Variants in PRKCB observed in about 807,000 individuals in gnomAD.
The protein encoded by PRKCB is protein kinase C beta.
Under a neutral mutation model 81.5 loss-of-function variants are expected in PRKCB, and 13 were observed. The ratio of observed to expected loss-of-function variants is 0.16; its 90% CI spans 0.10 to 0.25. The LOEUF is 0.25. Ranked by LOEUF, PRKCB falls within the 10% of genes least tolerant of loss-of-function variation. PRKCB has a pLI of 1.00. For synonymous variants in PRKCB, 335 were observed against 321.4 expected (o/e 1.04, Z -0.45); for missense variants, 509 against 875.7 (o/e 0.58, Z 5.29).
At chr16:24,179,712 G>C (rs1258778132) in intron 12 of PRKCB, among the ~76,000 whole-genome samples, 1 of 152,112 alleles carries the variant, frequency 6.6e-6, no homozygotes, top group East Asian at 1.9e-4. Flanking sequence ...CCTTAGACAG[G>C]TCTTTTCTGA....
chr16:24,166,878 A>G (rs958482560), intron 10 of PRKCB, among the ~76,000 whole-genome samples: 1 of 152,136 alleles, frequency 6.6e-6, no homozygotes, highest in Admixed American at 6.5e-5. Context: ...TTCCCTGCAT[A>G]TGGTTAGCGG....
intron 2 of PRKCB, among the ~76,000 whole-genome samples, chr16:23,854,030 C>T (rs1415801028): frequency 1.4e-5 from 2 of 145,960 alleles, no homozygotes; most frequent in Admixed American, 1.4e-4. Flanking sequence ...CTTTATAAAA[C>T]CATCAGATCT....
At chr16:24,126,978 TA>T (rs1966845503) in intron 9 of PRKCB, among the ~76,000 whole-genome samples, 2 of 147,246 alleles carry the variant, frequency 1.4e-5, no homozygotes, top group African/African-American at 2.5e-5. Context: ...TGTCCTAAAT[TA>T]TATATATATA....
At chr16:23,888,438 T>G (rs979381305) in intron 2 of PRKCB, among the ~76,000 whole-genome samples, 1 of 152,196 alleles carries the variant, frequency 6.6e-6, no homozygotes, top group Non-Finnish European at 1.5e-5. Context: ...AGCAGACTGC[T>G]GGAGGAGAAC....
intron 2 of PRKCB, among the ~76,000 whole-genome samples, chr16:23,980,907 T>A (rs983568003): frequency 2.0e-5 from 3 of 151,986 alleles, no homozygotes; most frequent in African/African-American, 7.3e-5. Context: ...AAGTGCAGTG[T>A]GAAGCAGAGT....
At chr16:24,122,468 T>TTTTTTTTTTC (rs1555498212) in intron 8 of PRKCB, among the ~76,000 whole-genome samples, 1,680 of 138,882 alleles carry the variant, frequency 0.012, 251 homozygotes, top group African/African-American at 0.052. Flanking sequence ...TTTTTTTTTT[T>TTTTTTTTTTC]AGTGAGAGAG....
At chr16:24,143,854 C>T (rs1966945405) in intron 9 of PRKCB, among the ~76,000 whole-genome samples, 1 of 152,182 alleles carries the variant, frequency 6.6e-6, no homozygotes, top group Admixed American at 6.5e-5. Flanking sequence ...GTTAGTCAAG[C>T]TTGCAGACTG....
intron 5 of PRKCB, among the ~76,000 whole-genome samples, chr16:24,071,770 G>A (rs1326212075): frequency 3.3e-5 from 5 of 152,140 alleles, no homozygotes; most frequent in Non-Finnish European, 7.3e-5. Flanking sequence ...GCTAGCTGGA[G>A]TCTGGCCTAC....
chr16:24,070,681 A>G (rs1227695569), intron 5 of PRKCB, among the ~76,000 whole-genome samples: 1 of 152,042 alleles, frequency 6.6e-6, no homozygotes, highest in Non-Finnish European at 1.5e-5. Flanking sequence ...CATATTACAG[A>G]TGAGGAAACT....
intron 2 of PRKCB, among the ~76,000 whole-genome samples, chr16:23,860,675 C>A (rs1327040515): frequency 1.3e-5 from 2 of 151,694 alleles, no homozygotes; most frequent in Non-Finnish European, 2.9e-5. Context: ...CACTTGAGGT[C>A]AGGAATTCCA....
At position 24,181,233 on chromosome 16, in the gene PRKCB, C is replaced by T. The variant is rs146310421; in HGVS notation, c.1533+305C>T. Among the ~76,000 whole-genome samples, 141 of 152,204 alleles carry T rather than the reference C, an allele frequency of 9.3e-4. No homozygotes were observed. In the Middle Eastern group the frequency reaches 0.024, roughly 26 times the overall value. On this transcript the variant is annotated intron_variant, in intron 13 of 16. Transcript: ENST00000643927. ...GTTGTGGCTCACGGCCATGTGATAC[C>T]GCCTAATTATGACATTGAAATGTTT...
chr16:24,205,704 A>AT (rs927215669), intron 16 of PRKCB, among the ~76,000 whole-genome samples: 3 of 152,002 alleles, frequency 2.0e-5, no homozygotes, highest in Non-Finnish European at 4.4e-5. Flanking sequence ...TGTCCATTTG[A>AT]TTTTTTTTCA....
At chr16:24,162,607 C>G (rs550785285) in intron 10 of PRKCB, among the ~76,000 whole-genome samples, 13 of 149,954 alleles carry the variant, frequency 8.7e-5, no homozygotes, top group African/African-American at 3.2e-4. Context: ...CACCACCAAG[C>G]CTGACTAATT....
At chr16:23,983,361 A>C (rs1388969670) in intron 2 of PRKCB, among the ~76,000 whole-genome samples, 1 of 152,196 alleles carries the variant, frequency 6.6e-6, no homozygotes, top group African/African-American at 2.4e-5. Context: ...GCTTCTCTGC[A>C]CATCATGCTG....
At chr16:23,836,752 C>T (rs1962167013) in intron 1 of PRKCB, among the ~76,000 whole-genome samples, 1 of 137,906 alleles carries the variant, frequency 7.3e-6, no homozygotes, top group Non-Finnish European at 1.5e-5. Context: ...AGCCCTCGCC[C>T]CCCACCCCTT....
intron 2 of PRKCB, among the ~76,000 whole-genome samples, chr16:23,941,411 C>T (rs1366216844): frequency 6.6e-6 from 1 of 152,160 alleles, no homozygotes; most frequent in East Asian, 1.9e-4. Flanking sequence ...TCTCCTCTTA[C>T]CCTAGCATCA....
chr16:24,062,167 C>A (rs1392795215), intron 5 of PRKCB, among the ~76,000 whole-genome samples: 1 of 152,220 alleles, frequency 6.6e-6, no homozygotes, highest in Non-Finnish European at 1.5e-5. Flanking sequence ...AAACAACATT[C>A]TTTCTCTCAA....
intron 3 of PRKCB, among the ~76,000 whole-genome samples, chr16:23,990,411 T>A (rs1430740971): frequency 6.7e-6 from 1 of 150,178 alleles, no homozygotes; most frequent in Non-Finnish European, 1.5e-5. Flanking sequence ...TAAGCGGAGA[T>A]CGCACCACTG....
intron 2 of PRKCB, among the ~76,000 whole-genome samples, chr16:23,930,349 A>G (rs748558233): frequency 6.6e-6 from 1 of 152,054 alleles, no homozygotes; most frequent in Non-Finnish European, 1.5e-5. Context: ...TGGGCAGATC[A>G]CTTGAGCCCA....
Sources: gnomAD v4.1 joint callset for allele counts (sites outside exome capture counted in the v4.1 genomes callset) on GRCh38, gnomAD v4.1.1 for gene constraint, MANE v1.5 for transcripts, NCBI Gene and HGNC (gene_info 2026-07-23, HGNC 2026-07-21) for gene names.